Variants in RBFOX1 observed in about 807,000 individuals in gnomAD.
The protein encoded by RBFOX1 is RNA binding fox-1 homolog 1.
In RBFOX1, 8 loss-of-function variants were observed where a neutral mutation model predicts 57.7. The observed-to-expected ratio is 0.14, with a 90% CI of 0.08 to 0.25. The LOEUF is 0.25. RBFOX1 is among the 10% of genes least tolerant of loss of function. The pLI is 1.00. For missense variants in RBFOX1, 611 were observed against 548.5 expected (o/e 1.11, Z -1.14); for synonymous variants, 326 against 222.4 (o/e 1.47, Z -4.15).
chr16:5,468,029 T>A (rs965581244), intron 2 of RBFOX1, among the ~76,000 whole-genome samples: 1 of 152,172 alleles, frequency 6.6e-6, no homozygotes, highest in African/African-American at 2.4e-5. Flanking sequence ...AGGCGGAATC[T>A]ATGCTTGCTG....
chr16:7,225,631 G>A (rs1343061617), intron 4 of RBFOX1, among the ~76,000 whole-genome samples: 1 of 151,610 alleles, frequency 6.6e-6, no homozygotes, highest in African/African-American at 2.4e-5. Flanking sequence ...ACTAAGCTGT[G>A]GTGGCAATGG....
chr16:6,226,946 TAAAAA>T, intron 1 of RBFOX1, among the ~76,000 whole-genome samples: 1 of 101,042 alleles, frequency 9.9e-6, no homozygotes. Flanking sequence ...CCATCTCTAC[TAAAAA>T]AAAAAAAAAA....
intron 3 of RBFOX1, among the ~76,000 whole-genome samples, chr16:7,000,829 C>G (rs2092724879): frequency 6.6e-6 from 1 of 151,992 alleles, no homozygotes; most frequent in African/African-American, 2.4e-5. Flanking sequence ...CTCTCGATCT[C>G]CTGACCTTGT....
chr16:5,593,098 C>A (rs1285173194), intron 2 of RBFOX1, among the ~76,000 whole-genome samples: 1 of 152,168 alleles, frequency 6.6e-6, no homozygotes, highest in Non-Finnish European at 1.5e-5. Context: ...ACCCAAATAT[C>A]CATCAATGAT....
chr16:7,369,832 G>C (rs1170883537), intron 4 of RBFOX1, among the ~76,000 whole-genome samples: 1 of 152,146 alleles, frequency 6.6e-6, no homozygotes, highest in Non-Finnish European at 1.5e-5. Flanking sequence ...TCTGGGACAA[G>C]TACTATCAAT....
intron 1 of RBFOX1, among the ~76,000 whole-genome samples, chr16:6,057,524 A>T (rs1418065532): frequency 6.6e-6 from 1 of 152,152 alleles, no homozygotes; most frequent in South Asian, 2.1e-4. Context: ...CAATGTTGAA[A>T]CACGACAGGC....
intron 3 of RBFOX1, among the ~76,000 whole-genome samples, chr16:5,673,555 A>G (rs949204486): frequency 6.6e-6 from 1 of 152,202 alleles, no homozygotes; most frequent in Non-Finnish European, 1.5e-5. Flanking sequence ...CACTGAGGCC[A>G]GACCTGGTTG....
chr16:7,186,591 C>A (rs940006931), intron 4 of RBFOX1, among the ~76,000 whole-genome samples: 1 of 136,502 alleles, frequency 7.3e-6, no homozygotes, highest in Non-Finnish European at 1.5e-5. Flanking sequence ...TAAGCTTAAA[C>A]ATATTTATAT....
chr16:7,400,835 G>A (rs1019201834), intron 4 of RBFOX1, among the ~76,000 whole-genome samples: 18 of 152,298 alleles, frequency 1.2e-4, no homozygotes, highest in Admixed American at 5.9e-4. Flanking sequence ...CTGTTGGTGC[G>A]CTTGCCCATT....
chr16:6,483,538 C>A, intron 2 of RBFOX1: 1 of 1,535,600 alleles, frequency 6.5e-7, no homozygotes, highest in East Asian at 2.4e-5. Context: ...TGGGAGATGC[C>A]CTTCAGGTAC....
intron 3 of RBFOX1, among the ~76,000 whole-genome samples, chr16:5,843,866 A>G (rs572885797): frequency 6.6e-6 from 1 of 152,340 alleles, no homozygotes; most frequent in Non-Finnish European, 1.5e-5. Context: ...ACAAGGAGAG[A>G]AGTATGCAGC....
intron 2 of RBFOX1, among the ~76,000 whole-genome samples, chr16:5,517,501 C>T (rs890301311): frequency 2.0e-5 from 3 of 152,128 alleles, no homozygotes; most frequent in South Asian, 2.1e-4. Flanking sequence ...TCTAAAATCC[C>T]AGAAGAGAGA....
intron 4 of RBFOX1, among the ~76,000 whole-genome samples, chr16:7,421,575 A>T (rs1232045892): frequency 6.6e-6 from 1 of 152,190 alleles, no homozygotes; most frequent in Non-Finnish European, 1.5e-5. Flanking sequence ...CCTAACCTAC[A>T]GTTTGAGGAA....
chr16:7,579,637 C>T (rs1407262010), intron 5 of RBFOX1, 140 bp from the exon 6 acceptor site: 6 of 966,656 alleles, frequency 6.2e-6, no homozygotes, highest in South Asian at 4.9e-5. Context: ...TGAATGCATG[C>T]ATGCATGCGT....
At chr16:6,560,654 G>T (rs747837331) in intron 2 of RBFOX1, among the ~76,000 whole-genome samples, 2 of 152,164 alleles carry the variant, frequency 1.3e-5, no homozygotes, top group African/African-American at 4.8e-5. Context: ...AGTAAAATAG[G>T]GTCTTGACTT....
In RBFOX1 at chr16:6,211,185, C is replaced by CCATGAGACAGAGTGTT. The variant is rs1426493154; in HGVS notation, c.-126-105810_-126-105809insCATGAGACAGAGTGTT. ...CTTCCATGAGACAGAGTGTTTTCTT[C>CCATGAGACAGAGTGTT]TTCTTTTTTTTTTTTTTTGGTTAGT... On this transcript the variant is annotated intron_variant, in intron 1 of 15. Coordinates refer to ENST00000550418, the MANE Select transcript of RBFOX1 (RefSeq NM_018723.4). Among the ~76,000 whole-genome samples the CCATGAGACAGAGTGTT allele has an allele frequency of 1.6e-3, 196 of 123,186 alleles. 6 individuals carry two copies. The highest frequency in any genetic ancestry group is 4.8e-3 in the Middle Eastern group (1 of 210). 80.8% of individuals were successfully genotyped at this position (123,186 alleles called of 152,430 possible).
At chr16:6,843,006 C>CT (rs956317510) in intron 3 of RBFOX1, among the ~76,000 whole-genome samples, 1 of 152,044 alleles carries the variant, frequency 6.6e-6, no homozygotes, top group Non-Finnish European at 1.5e-5. Context: ...TGATCTCATT[C>CT]TTTTTTATGG....
At position 6,316,847 on chromosome 16, in the gene RBFOX1, A is replaced by G; in HGVS notation, c.-126-148A>G. 5.1e-6 allele frequency: 3 copies of G among 591,814 alleles called. No homozygotes were observed. The South Asian group carries it at 7.1e-5, about 14-fold the overall frequency. The allele number at this position is 591,814 out of a possible 1,614,324, so 36.7% of individuals were successfully genotyped here. On this transcript the variant is annotated intron_variant, in intron 1 of 15. Transcript: ENST00000550418. ...ATCGAAGAACTGAATCATTTTCATCATCATCATCACCATCATTGCTGTTAA... is the reference window on the plus strand; with the variant it reads ...ATCGAAGAACTGAATCATTTTCATCGTCATCATCACCATCATTGCTGTTAA...
upstream of RBFOX1, among the ~76,000 whole-genome samples, chr16:6,015,845 C>A (rs2094990435): frequency 1.3e-5 from 2 of 152,220 alleles, no homozygotes; most frequent in Admixed American, 6.5e-5. Flanking sequence ...CAGTTGCAAT[C>A]ACTCATTTAT....
Sources: gnomAD v4.1 joint callset for allele counts (sites outside exome capture counted in the v4.1 genomes callset) on GRCh38, gnomAD v4.1.1 for gene constraint, MANE v1.5 for transcripts, NCBI Gene and HGNC (gene_info 2026-07-23, HGNC 2026-07-21) for gene names.